PDE1C: variants seen among roughly 807,000 people sequenced by gnomAD.
PDE1C encodes the protein phosphodiesterase 1C.
Under a neutral mutation model 93.1 loss-of-function variants are expected in PDE1C, and 62 were observed. That is an observed-to-expected ratio of 0.67 (90% CI 0.54 to 0.82). The LOEUF (loss-of-function observed/expected upper bound fraction) is 0.82, where lower values mean the gene tolerates loss of function less well. PDE1C is among the 40% of genes least tolerant of loss of function. The probability of loss-of-function intolerance (pLI) is 0.00; values close to 1 mark genes in which losing one functional copy is unlikely to be tolerated. For synonymous variants in PDE1C, 325 were observed against 310.1 expected, an observed-to-expected ratio of 1.05 and a Z score of -0.50; for missense variants, 742 against 884.6, an observed-to-expected ratio of 0.84 and a Z score of 2.04.
chr7:31,762,694 G>T (rs538261693), intron 17 of PDE1C, among the ~76,000 whole-genome samples: 42 of 152,116 alleles, frequency 2.8e-4, no homozygotes, highest in Non-Finnish European at 5.6e-4. Flanking sequence ...CCTCAAGAAA[G>T]TGAGAATGCT....
intron 1 of PDE1C, among the ~76,000 whole-genome samples, chr7:32,368,141 A>G (rs1308281973): frequency 1.3e-5 from 2 of 152,180 alleles, no homozygotes; most frequent in African/African-American, 2.4e-5. Context: ...TGCCAGAGCA[A>G]TTAGTCAAGA....
intron 1 of PDE1C, among the ~76,000 whole-genome samples, chr7:32,309,623 C>A (rs1813116844): frequency 6.6e-6 from 1 of 152,172 alleles, no homozygotes; most frequent in Non-Finnish European, 1.5e-5. Flanking sequence ...GAATTTCCAA[C>A]CCAGAATTTC....
intron 3 of PDE1C, among the ~76,000 whole-genome samples, chr7:32,109,735 T>G (rs1009609281): frequency 2.6e-5 from 4 of 152,120 alleles, no homozygotes; most frequent in African/African-American, 9.7e-5. Flanking sequence ...CTGCTCTCTC[T>G]GCTTGGTAGA....
At chr7:31,843,830 C>G (rs954979228) in intron 9 of PDE1C, among the ~76,000 whole-genome samples, 1 of 151,556 alleles carries the variant, frequency 6.6e-6, no homozygotes, top group African/African-American at 2.4e-5. Context: ...TTATCTACTG[C>G]TAAATGGTCA....
chr7:32,306,473 G>A (rs1191486426), intron 1 of PDE1C, among the ~76,000 whole-genome samples: 4 of 151,982 alleles, frequency 2.6e-5, no homozygotes, highest in Non-Finnish European at 1.5e-5. Flanking sequence ...CATCTGTCTG[G>A]TCCTATCCAC....
At chr7:32,271,180 G>A (rs1312927194) in intron 1 of PDE1C, among the ~76,000 whole-genome samples, 4 of 152,046 alleles carry the variant, frequency 2.6e-5, no homozygotes, top group Non-Finnish European at 5.9e-5. Flanking sequence ...GCTCTGCTGA[G>A]GGTTAAATCA....
At chr7:32,142,670 G>T (rs1330114083) in intron 3 of PDE1C, among the ~76,000 whole-genome samples, 4 of 152,102 alleles carry the variant, frequency 2.6e-5, no homozygotes, top group African/African-American at 9.7e-5. Flanking sequence ...TTTCTCTCCT[G>T]TTCTCTGGAT....
At chr7:31,792,819 A>G (rs938310810) in intron 16 of PDE1C, among the ~76,000 whole-genome samples, 3 of 152,118 alleles carry the variant, frequency 2.0e-5, no homozygotes, top group African/African-American at 7.2e-5. Flanking sequence ...TGTGTAACTG[A>G]GATGCATGAC....
chr7:31,705,967 T>C, the PDE1C span, among the ~76,000 whole-genome samples: 2 of 148,892 alleles, frequency 1.3e-5, no homozygotes, highest in African/African-American at 5.0e-5. Flanking sequence ...CTCAGACTTC[T>C]GAATTTCACA....
intron 3 of PDE1C, among the ~76,000 whole-genome samples, chr7:32,138,253 T>C (rs1340487306): frequency 3.3e-5 from 5 of 152,210 alleles, no homozygotes; most frequent in African/African-American, 9.6e-5. Flanking sequence ...CCCAAACTAA[T>C]GTACCACATA....
exon 1 of PDE1C, chr7:32,298,805 G>C: frequency 6.6e-7 from 1 of 1,525,952 alleles, no homozygotes; most frequent in East Asian, 2.5e-5. Context: ...ACGGCGGAGT[G>C]AGCAGCCCGG....
At chr7:31,666,681 A>G in the PDE1C span, among the ~76,000 whole-genome samples, 1 of 152,156 alleles carries the variant, frequency 6.6e-6, no homozygotes, top group Non-Finnish European at 1.5e-5. Context: ...TTTGACAAAT[A>G]CATTTAGTCA....
At chr7:32,198,632 GA>G (rs1195795947) in intron 2 of PDE1C, among the ~76,000 whole-genome samples, 1 of 152,108 alleles carries the variant, frequency 6.6e-6, no homozygotes, top group Non-Finnish European at 1.5e-5. Context: ...GCAGCAGGAT[GA>G]AAAAGCGATA....
chr7:31,994,584 T>C (rs1456165216), intron 2 of PDE1C, among the ~76,000 whole-genome samples: 1 of 152,182 alleles, frequency 6.6e-6, no homozygotes, highest in Non-Finnish European at 1.5e-5. Flanking sequence ...TATAGCAGGC[T>C]ATGCAAAGTG....
intron 1 of PDE1C, among the ~76,000 whole-genome samples, chr7:32,391,920 C>T (rs1400215124): frequency 6.6e-6 from 1 of 151,536 alleles, no homozygotes; most frequent in Non-Finnish European, 1.5e-5. Flanking sequence ...TAAGCTGCTA[C>T]CTTAAGAAAC....
intron 17 of PDE1C, among the ~76,000 whole-genome samples, chr7:31,753,814 T>C (rs1206634281): frequency 2.6e-5 from 4 of 152,140 alleles, no homozygotes; most frequent in Non-Finnish European, 5.9e-5. Flanking sequence ...CCTTTGACAA[T>C]GAATGGATGG....
chr7:32,043,472 C>T (rs1456735209), intron 2 of PDE1C, among the ~76,000 whole-genome samples: 1 of 152,154 alleles, frequency 6.6e-6, no homozygotes, highest in African/African-American at 2.4e-5. Context: ...AAATGCACTT[C>T]GGTCTTATTA....
At chr7:32,178,997 T>C (rs1803196883) in intron 2 of PDE1C, among the ~76,000 whole-genome samples, 1 of 152,188 alleles carries the variant, frequency 6.6e-6, no homozygotes, top group South Asian at 2.1e-4. Context: ...TGGAAACTAC[T>C]GAACACTGGG....
intron 1 of PDE1C, among the ~76,000 whole-genome samples, chr7:32,226,696 T>A (rs1807302805): frequency 6.6e-6 from 1 of 152,170 alleles, no homozygotes; most frequent in South Asian, 2.1e-4. Flanking sequence ...CCATGCCCAC[T>A]GCAGTGTCTA....
Sources: gnomAD v4.1 joint callset for allele counts (sites outside exome capture counted in the v4.1 genomes callset) on GRCh38, gnomAD v4.1.1 for gene constraint, MANE v1.5 for transcripts, NCBI Gene and HGNC (gene_info 2026-07-23, HGNC 2026-07-21) for gene names.